The following KIAA1217 variants were observed in gnomAD, a reference collection of about 807,000 sequenced individuals.
KIAA1217 encodes the protein sickle tail protein homolog.
Under a neutral mutation model 163.9 loss-of-function variants are expected in KIAA1217, and 88 were observed. The ratio of observed to expected loss-of-function variants is 0.54; its 90% confidence interval spans 0.45 to 0.64. The LOEUF is 0.64. KIAA1217 is among the 30% of genes least tolerant of loss of function. The pLI, the probability that KIAA1217 is intolerant of heterozygous loss-of-function variation, is 0.00. For synonymous variants in KIAA1217, 903 were observed against 923.1 expected (o/e 0.98, Z 0.39); for missense variants, 2,372 against 2,475.0 (o/e 0.96, Z 0.88).
chr10:23,991,182 C>G (rs184286457), intron 1 of KIAA1217, among the ~76,000 whole-genome samples: 255 of 152,310 alleles, frequency 1.7e-3, no homozygotes, highest in African/African-American at 5.8e-3. Flanking sequence ...CTTTGCAAAC[C>G]CAGTCTGTGG....
chr10:23,827,773 C>A (rs1030331618), intron 1 of KIAA1217, among the ~76,000 whole-genome samples: 1 of 152,148 alleles, frequency 6.6e-6, no homozygotes, highest in African/African-American at 2.4e-5. Flanking sequence ...CCTGTGTGCA[C>A]GACAGCCTGA....
At chr10:24,141,221 AT>A (rs1204651629) in intron 2 of KIAA1217, among the ~76,000 whole-genome samples, 45 of 115,748 alleles carry the variant, frequency 3.9e-4, no homozygotes, top group Admixed American at 7.9e-4. Context: ...CAGAGAAAGA[AT>A]AAACCCCCCC....
Position 24,473,360 on chromosome 10 carries a change from C to G in KIAA1217, c.979C>G (p.Pro327Ala). The change falls in exon 6 of 21, where the codon CCG (proline) becomes GCG (alanine). Residue 327 changes from proline (P) to alanine (A), a missense_variant. By Grantham distance (27) the Pro-to-Ala change is conservative. This residue lies in a region of KIAA1217 where 1,431 missense variants were observed against 1,470.3 expected (regional missense o/e 0.97). Transcript: ENST00000376454. Reference protein sequence around the residue: ...TPVPHSMPPSPSRIPYGGTRS... With the variant: ...TPVPHSMPPSASRIPYGGTRS... Reference sequence around the variant, plus strand: ...AGTGCCCCATTCCATGCCCCCCTCCCCGTCCAGAATTCCTTATGGGGGCAC... The same window carrying G: ...AGTGCCCCATTCCATGCCCCCCTCCGCGTCCAGAATTCCTTATGGGGGCAC... 2 of 1,605,564 alleles carry G rather than the reference C, an allele frequency of 1.2e-6. No homozygotes were observed. The highest frequency in any genetic ancestry group is 1.7e-6 in the Non-Finnish European group (2 of 1,175,166).
Position 23,885,769 on chromosome 10 carries a change from A to G in KIAA1217, c.-320-121456A>G, listed in dbSNP as rs1277225202. Among the ~76,000 whole-genome samples, 8 of 152,034 alleles carry G rather than the reference A, an allele frequency of 5.3e-5. No homozygotes were observed. The East Asian group carries it at 1.2e-3, about 22-fold the overall frequency. On this transcript the variant is annotated intron_variant, in intron 1 of 18. Coordinates refer to the KIAA1217 transcript ENST00000376462. ...ACTGAGTTCAGTCGATGACAGAGCA[A>G]TGGGAAAAGGATGGAAATAAACTTC...
intron 2 of KIAA1217, among the ~76,000 whole-genome samples, chr10:24,055,405 A>G (rs887712887): frequency 3.9e-5 from 6 of 152,326 alleles, no homozygotes; most frequent in African/African-American, 1.4e-4. Context: ...GTTTCCTACC[A>G]TGTTTAATTT....
chr10:24,424,241 A>G (rs2059000431), intron 3 of KIAA1217, among the ~76,000 whole-genome samples: 2 of 152,218 alleles, frequency 1.3e-5, no homozygotes, highest in African/African-American at 4.8e-5. Context: ...GAAGTTACTG[A>G]CATCAGAAGG....
At chr10:24,091,855 T>A (rs2061950057) in intron 2 of KIAA1217, among the ~76,000 whole-genome samples, 1 of 151,658 alleles carries the variant, frequency 6.6e-6, no homozygotes, top group African/African-American at 2.4e-5. Context: ...CATGAGACAG[T>A]CTGGTTGGGG....
chr10:23,957,754 T>G (rs2131367106), intron 1 of KIAA1217, among the ~76,000 whole-genome samples: 1 of 152,168 alleles, frequency 6.6e-6, no homozygotes, highest in Non-Finnish European at 1.5e-5. Context: ...CCCAACCAAC[T>G]TTTCCTTTCT....
intron 1 of KIAA1217, among the ~76,000 whole-genome samples, chr10:23,833,508 A>G (rs1274603261): frequency 6.6e-6 from 1 of 151,350 alleles, no homozygotes; most frequent in African/African-American, 2.4e-5. Context: ...TAAGTAAACC[A>G]TTATCTTTCC....
intron 2 of KIAA1217, among the ~76,000 whole-genome samples, chr10:24,057,176 G>C (rs1234960706): frequency 1.3e-5 from 2 of 152,160 alleles, no homozygotes; most frequent in Non-Finnish European, 2.9e-5. Flanking sequence ...GAGTCCAAGA[G>C]GTGGAGGCTG....
Position 24,524,734 on chromosome 10 carries a change from G to T in KIAA1217, c.2868G>T (p.Val956=). 6.2e-7 allele frequency: 1 copy of T among 1,606,852 alleles called. No individual in the cohort carries two copies. The highest frequency in any genetic ancestry group is 8.5e-7 in the Non-Finnish European group (1 of 1,174,602). Residue 956 remains valine (V), a synonymous_variant, in exon 13 of 21, where the codon GTG becomes GTT. Coordinates refer to ENST00000376454, the MANE Select transcript of KIAA1217 (RefSeq NM_019590.5). ...TGTTCATTGAAGAAATCCACAGTGT[G>T]AGTGCCAAGAACAGGGCAGTGTCTA... is the stretch of plus-strand genomic sequence containing the variant. ...QSLFIEEIHS[V]SAKNRAVSIE...
At chr10:23,866,642 C>A (rs1840199589) in intron 1 of KIAA1217, among the ~76,000 whole-genome samples, 1 of 151,860 alleles carries the variant, frequency 6.6e-6, no homozygotes, top group Non-Finnish European at 1.5e-5. Context: ...AGAGAAGGTG[C>A]CATCAGAGCT....
At chr10:24,341,822 G>A (rs1392805438) in intron 2 of KIAA1217, among the ~76,000 whole-genome samples, 2 of 151,986 alleles carry the variant, frequency 1.3e-5, no homozygotes, top group Admixed American at 1.3e-4. Flanking sequence ...AGTTGAAGTG[G>A]GTGGTTTCAA....
intron 2 of KIAA1217, among the ~76,000 whole-genome samples, chr10:24,093,181 A>T (rs142502124): frequency 3.3e-5 from 5 of 150,818 alleles, no homozygotes; most frequent in African/African-American, 7.4e-5. Flanking sequence ...TTATTTATTT[A>T]TTTTTTGAGA....
intron 2 of KIAA1217, among the ~76,000 whole-genome samples, chr10:24,079,415 C>A (rs967748798): frequency 1.3e-5 from 2 of 152,134 alleles, no homozygotes; most frequent in African/African-American, 4.8e-5. Context: ...TGTCCACGCT[C>A]TCCTGGTACA....
chr10:24,179,208 GC>G (rs1316800471), intron 2 of KIAA1217, among the ~76,000 whole-genome samples: 1 of 152,084 alleles, frequency 6.6e-6, no homozygotes, highest in Non-Finnish European at 1.5e-5. Context: ...AAAGTAAAAG[GC>G]TTTTGGGCTT....
chr10:24,168,240 T>C (rs1344170295), intron 2 of KIAA1217, among the ~76,000 whole-genome samples: 1 of 152,126 alleles, frequency 6.6e-6, no homozygotes, highest in Non-Finnish European at 1.5e-5. Context: ...TAAGCGCCTC[T>C]AGATGTCAGG....
Position 24,522,511 on chromosome 10 carries a change from C to G in KIAA1217, c.2456+582C>G, listed in dbSNP as rs192057742. Among the ~76,000 whole-genome samples, 108 of 152,232 alleles carry G rather than the reference C, an allele frequency of 7.1e-4. 3 individuals are homozygous for G. In the East Asian group the frequency reaches 0.013, roughly 19 times the overall value. On this transcript the variant is annotated intron_variant, in intron 12 of 20. Coordinates refer to ENST00000376454, the MANE Select transcript of KIAA1217 (RefSeq NM_019590.5). ...AAGGAGTATCTGTGAGACTGTTGGT[C>G]CCACCTAGAAAAGAGGAACAAAGCA...
chr10:24,528,475 C>T (rs1411805132), intron 14 of KIAA1217, among the ~76,000 whole-genome samples: 1 of 151,994 alleles, frequency 6.6e-6, no homozygotes, highest in African/African-American at 2.4e-5. Context: ...TAGATGTGTA[C>T]ACCACTGCAC....
Sources: allele counts gnomAD v4.1 joint callset (sites outside exome capture counted in the v4.1 genomes callset), GRCh38; gene constraint gnomAD v4.1.1; regional missense constraint gnomAD v4.1.1; transcripts MANE v1.5; gene names NCBI Gene and HGNC (gene_info 2026-07-23, HGNC 2026-07-21).